Variants in TBC1D32 observed in about 807,000 individuals in gnomAD.
The protein encoded by TBC1D32 is TBC1 domain family member 32.
TBC1D32 carries 151 observed loss-of-function variants against 170.3 expected under a neutral mutation model. That is an observed-to-expected ratio of 0.89 (90% CI 0.78 to 1.01). TBC1D32 has a LOEUF of 1.01. TBC1D32 is among the 50% of genes least tolerant of loss of function. The pLI is 0.00. For missense variants in TBC1D32, 1,464 were observed against 1,457.1 expected, an observed-to-expected ratio of 1.00 and a Z score of -0.08; for synonymous variants, 498 against 488.0, an observed-to-expected ratio of 1.02 and a Z score of -0.27.
chr6:121,334,319 C>A lies in TBC1D32; in HGVS notation c.112G>T (p.Glu38Ter). 1 of 1,614,178 alleles carries A rather than the reference C, an allele frequency of 6.2e-7. No homozygotes were observed. The highest frequency in any genetic ancestry group is 1.1e-5 in the South Asian group (1 of 91,084). Residue 38 changes from glutamate (E) to a stop codon, truncating the protein, a stop_gained, in exon 1 of 32, where the codon GAG (glutamate) becomes TAG (stop). Coordinates refer to ENST00000398212, the MANE Select transcript of TBC1D32 (RefSeq NM_152730.6). LOFTEE classifies it high-confidence loss of function. Reference protein sequence around the residue: ...TGAPSLECAEEILLHLEETDE... With the variant: ...TGAPSLECAE ...GTTTCCTCCAGATGTAAAAGAATCT[C>A]TTCGGCACACTCCAGGGAAGGGGCA...
intron 21 of TBC1D32, among the ~76,000 whole-genome samples, chr6:121,210,248 T>C (rs1360932335): frequency 6.6e-6 from 1 of 152,138 alleles, no homozygotes; most frequent in African/African-American, 2.4e-5. Context: ...GAAAAGACCA[T>C]TAATGGATAA....
chr6:121,259,220 C>T lies in TBC1D32; in HGVS notation c.1734-2935G>A, dbSNP rs564695964. On this transcript the variant is annotated intron_variant, in intron 15 of 31. Coordinates refer to ENST00000398212, the MANE Select transcript of TBC1D32 (RefSeq NM_152730.6). The stretch of plus-strand genomic sequence containing the variant: ...GGCTGAGGCAGGAGAATCGCTTGAA[C>T]CCAGGAGGTGGAGGTTGCAGTGAGC... Among the ~76,000 whole-genome samples, 82 of 152,104 alleles carry T rather than the reference C, an allele frequency of 5.4e-4. 1 individual carries two copies. The highest frequency in any genetic ancestry group is 3.4e-3 in the Middle Eastern group (1 of 294).
At chr6:121,183,771 G>GA (rs1562807480) in intron 22 of TBC1D32, among the ~76,000 whole-genome samples, 1 of 151,860 alleles carries the variant, frequency 6.6e-6, no homozygotes, top group Non-Finnish European at 1.5e-5. Flanking sequence ...CCATTGGAAA[G>GA]AAAAAAACAT....
At chr6:121,173,387 C>A (rs1367844325) in intron 22 of TBC1D32, among the ~76,000 whole-genome samples, 1 of 152,090 alleles carries the variant, frequency 6.6e-6, no homozygotes, top group Non-Finnish European at 1.5e-5. Context: ...TTAATGAACT[C>A]CCTTTTATAT....
Position 121,251,437 on chromosome 6 carries a change from TA to T in TBC1D32, c.2018+3890del, listed in dbSNP as rs374822652. Among the ~76,000 whole-genome samples, 131 of 151,882 alleles carry T rather than the reference TA, an allele frequency of 8.6e-4. 1 individual carries two copies. In the South Asian group the frequency reaches 0.025, roughly 28 times the overall value. ...ACCATGTGATCTTCAACAAACCTGA[TA>T]AAAACAAGCAATGGGGAAAGGATTC... On this transcript the variant is annotated intron_variant, in intron 17 of 31. Transcript: ENST00000398212.
intron 22 of TBC1D32, among the ~76,000 whole-genome samples, chr6:121,191,909 A>G (rs575423228): frequency 6.6e-6 from 1 of 152,056 alleles, no homozygotes; most frequent in African/African-American, 2.4e-5. Context: ...CTCCCAGCCT[A>G]CATCTTTCTC....
chr6:121,158,001 G>C (rs1785132154), intron 24 of TBC1D32, among the ~76,000 whole-genome samples: 1 of 151,978 alleles, frequency 6.6e-6, no homozygotes, highest in African/African-American at 2.4e-5. Flanking sequence ...ATCCTGTATA[G>C]TATCTTGCAA....
rs1775551262 is a variant in TBC1D32 at position 121,080,697 on chromosome 6, A to G, written c.*74T>C. The G allele has an allele frequency of 6.6e-7, 1 of 1,512,718 alleles. No individual in the cohort carries two copies. Among genetic ancestry groups the G allele is most frequent in the Non-Finnish European group, 8.9e-7 (1 of 1,128,054 alleles). The allele number at this position is 1,512,718 out of a possible 1,614,324, so 93.7% of individuals were successfully genotyped here. A position where few individuals can be genotyped will look rare whatever the true frequency, so the allele number is the denominator to read the frequency against. On this transcript the variant is annotated 3_prime_UTR_variant, in exon 32 of 32. Transcript: ENST00000398212. The stretch of plus-strand genomic sequence containing the variant: ...TCACAAAGTAAATGTTGTTACAGAC[A>G]CAGAAAAACATCAAGCCCCCCTGCT...
At chr6:121,217,373 G>A (rs1051005423) in intron 21 of TBC1D32, among the ~76,000 whole-genome samples, 1 of 152,216 alleles carries the variant, frequency 6.6e-6, no homozygotes, top group African/African-American at 2.4e-5. Context: ...CTTATCCAGA[G>A]AGAACATGGA....
chr6:121,272,018 A>G (rs1021859192), intron 15 of TBC1D32, among the ~76,000 whole-genome samples: 1 of 152,190 alleles, frequency 6.6e-6, no homozygotes, highest in Non-Finnish European at 1.5e-5. Context: ...ACGATTCCCT[A>G]TTTAATAAAT....
At chr6:121,097,022 C>T (rs1168894764) in intron 30 of TBC1D32, among the ~76,000 whole-genome samples, 1 of 152,056 alleles carries the variant, frequency 6.6e-6, no homozygotes, top group Admixed American at 6.6e-5. Flanking sequence ...GGACCCCTTC[C>T]TTATACTTTA....
intron 21 of TBC1D32, among the ~76,000 whole-genome samples, chr6:121,206,637 A>G (rs1458773686): frequency 6.6e-6 from 1 of 152,240 alleles, no homozygotes; most frequent in Non-Finnish European, 1.5e-5. Flanking sequence ...ATTTGTACCC[A>G]ACATATAAGA....
intron 24 of TBC1D32, among the ~76,000 whole-genome samples, chr6:121,146,697 C>A (rs1783493681): frequency 6.6e-6 from 1 of 152,170 alleles, no homozygotes; most frequent in Non-Finnish European, 1.5e-5. Context: ...ATTATTACTC[C>A]TTTTCCTGAA....
Position 121,282,558 on chromosome 6 carries a change from G to C in TBC1D32, c.1466-872C>G, listed in dbSNP as rs1163627470. On this transcript the variant is annotated intron_variant, in intron 13 of 31. Transcript: ENST00000398212. ...GTCAATATCTGACAAAAAGAAAATG[G>C]AAAAGGAAAGTTCAGTGATTTTTCA... Among the ~76,000 whole-genome samples the C allele has an allele frequency of 2.6e-5, 4 of 151,786 alleles. No homozygotes were observed. The East Asian group carries it at 7.7e-4, about 29-fold the overall frequency.
chr6:121,300,630 CAA>C (rs1172532323), intron 9 of TBC1D32, among the ~76,000 whole-genome samples: 1 of 152,018 alleles, frequency 6.6e-6, no homozygotes, highest in Non-Finnish European at 1.5e-5. Flanking sequence ...TAGGCATGGG[CAA>C]AGACTTCATG....
chr6:121,304,604 A>T lies in TBC1D32; in HGVS notation c.791T>A (p.Phe264Tyr). ...AGGAATATGATTTTCCCTAGAAAGA[A>T]AGTATGACTCCAAATACTTAGCTGA... ...TSLAKYLESY[F>Y]LSRENHIPTL... The change falls in exon 7 of 32, where the codon TTT becomes TAT. Residue 264 changes from phenylalanine to tyrosine, a missense_variant. Phe to Tyr is a conservative substitution (Grantham distance 22). Transcript: ENST00000398212. 1 of 1,610,432 alleles carries T rather than the reference A, an allele frequency of 6.2e-7. No individual in the cohort carries two copies.
chr6:121,099,310 T>A (rs1777752354), intron 30 of TBC1D32, among the ~76,000 whole-genome samples: 2 of 151,892 alleles, frequency 1.3e-5, no homozygotes, highest in South Asian at 2.1e-4. Context: ...ATAAAATTGG[T>A]CATAAAGTTA....
intron 31 of TBC1D32, among the ~76,000 whole-genome samples, chr6:121,089,471 G>C (rs1309232696): frequency 6.6e-6 from 1 of 152,078 alleles, no homozygotes; most frequent in East Asian, 1.9e-4. Flanking sequence ...GTCCCTTACT[G>C]AAAATGAACC....
At chr6:121,145,088 T>G (rs543852571) in intron 24 of TBC1D32, among the ~76,000 whole-genome samples, 1 of 152,166 alleles carries the variant, frequency 6.6e-6, no homozygotes, top group East Asian at 1.9e-4. Flanking sequence ...AAGAGAGTAA[T>G]GGGAATACTC....
Sources: gnomAD v4.1 joint callset for allele counts (sites outside exome capture counted in the v4.1 genomes callset) on GRCh38, gnomAD v4.1.1 for gene constraint, MANE v1.5 for transcripts, NCBI Gene and HGNC (gene_info 2026-07-23, HGNC 2026-07-21) for gene names.